SFMBT2: variants seen among roughly 807,000 people sequenced by gnomAD.
SFMBT2 encodes the protein scm-like with four MBT domains protein 2.
SFMBT2 carries 38 observed loss-of-function variants against 110.1 expected under a neutral mutation model. The ratio of observed to expected loss-of-function variants is 0.35; its 90% confidence interval spans 0.27 to 0.45. The LOEUF (loss-of-function observed/expected upper bound fraction) is 0.45. SFMBT2 is among the 20% of genes least tolerant of loss of function. The pLI, the probability that SFMBT2 is intolerant of heterozygous loss-of-function variation, is 1.00. For synonymous variants in SFMBT2, 425 were observed against 425.4 expected, an observed-to-expected ratio of 1.00 and a Z score of 0.01; for missense variants, 1,011 against 1,094.9, an observed-to-expected ratio of 0.92 and a Z score of 1.08.
chr10:7,197,846 A>G (rs1355843638), intron 14 of SFMBT2, among the ~76,000 whole-genome samples, 159 bp from the exon 15 acceptor site: 1 of 152,180 alleles, frequency 6.6e-6, no homozygotes, highest in Non-Finnish European at 1.5e-5. Flanking sequence ...AAGCAATGGA[A>G]CCCAAAATGA....
At chr10:7,259,299 T>C (rs1424500069) in intron 7 of SFMBT2, among the ~76,000 whole-genome samples, 3 of 152,200 alleles carry the variant, frequency 2.0e-5, no homozygotes, top group Non-Finnish European at 4.4e-5. Context: ...GCCTCCCCAC[T>C]GGAAAGTGCC....
chr10:7,339,788 C>A (rs1042721790), intron 4 of SFMBT2, among the ~76,000 whole-genome samples: 1 of 152,212 alleles, frequency 6.6e-6, no homozygotes, highest in Admixed American at 6.5e-5. Flanking sequence ...TAACCCACTT[C>A]ATGACTGTCA....
chr10:7,184,370 T>C (rs1195392599), intron 16 of SFMBT2, among the ~76,000 whole-genome samples: 1 of 152,138 alleles, frequency 6.6e-6, no homozygotes, highest in African/African-American at 2.4e-5. Context: ...GGGAAACCCC[T>C]TTTGCTTGAT....
At chr10:7,377,391 A>T (rs868727440) in intron 2 of SFMBT2, among the ~76,000 whole-genome samples, 1 of 152,290 alleles carries the variant, frequency 6.6e-6, no homozygotes, top group South Asian at 2.1e-4. Context: ...TTTTCCACAG[A>T]TACAGGGGAT....
intron 16 of SFMBT2, among the ~76,000 whole-genome samples, chr10:7,187,609 T>C (rs1434187608): frequency 6.6e-6 from 1 of 152,212 alleles, no homozygotes; most frequent in Non-Finnish European, 1.5e-5. Context: ...TGTTCAAAAA[T>C]GACACCAGGA....
At chr10:7,248,730 A>G in intron 7 of SFMBT2, 81 bp from the exon 8 acceptor site, 1 of 1,280,704 alleles carries the variant, frequency 7.8e-7, no homozygotes, top group Non-Finnish European at 1.1e-6. Flanking sequence ...CTCCTGGAGC[A>G]TTTTATTGGG....
chr10:7,168,025 G>A (rs1236305104), intron 20 of SFMBT2, among the ~76,000 whole-genome samples: 4 of 151,144 alleles, frequency 2.6e-5, no homozygotes, highest in African/African-American at 9.7e-5. Context: ...CCGAGATCGC[G>A]CCATTGCACT....
rs748890501 is a variant in SFMBT2, at chr10:7,171,862, G to A, written c.2415+33C>T. ...ACAGGTGTGCTTCTTCAGACCCAGCGGGAAGCCCTCTGTCCCCACGCCCGG... is the reference window on the plus strand; with the variant it reads ...ACAGGTGTGCTTCTTCAGACCCAGCAGGAAGCCCTCTGTCCCCACGCCCGG... On this transcript the variant is annotated intron_variant, in intron 19 of 20. Transcript: ENST00000397167. This position sits in a 1 kb window ranked among gnomAD's most constrained non-coding sequence, Gnocchi z 4.9. 1.7e-5 allele frequency: 24 copies of A among 1,389,330 alleles called. No individual in the cohort carries two copies. Among genetic ancestry groups the A allele is most frequent in the Middle Eastern group, 2.6e-4 (1 of 3,810 alleles). The allele number at this position is 1,389,330 out of a possible 1,614,324, so 86.1% of individuals were successfully genotyped here.
At chr10:7,289,969 G>A (rs549284021) in intron 4 of SFMBT2, among the ~76,000 whole-genome samples, 7 of 152,232 alleles carry the variant, frequency 4.6e-5, no homozygotes, top group African/African-American at 9.6e-5. Flanking sequence ...TCTGCAGCAC[G>A]TCTCTCTTCC....
At chr10:7,264,060 A>G in intron 7 of SFMBT2, 2 of 244,252 alleles carry the variant, frequency 8.2e-6, no homozygotes, top group Non-Finnish European at 6.6e-6. Flanking sequence ...GAGCAGCATG[A>G]ACACTCTTAG....
At chr10:7,275,971 T>C (rs1421259758) in intron 7 of SFMBT2, among the ~76,000 whole-genome samples, 2 of 152,228 alleles carry the variant, frequency 1.3e-5, no homozygotes, top group African/African-American at 4.8e-5. Flanking sequence ...CACAACCACA[T>C]TGAGAACTGT....
At chr10:7,219,064 T>C (rs1839637087) in intron 11 of SFMBT2, among the ~76,000 whole-genome samples, 1 of 152,230 alleles carries the variant, frequency 6.6e-6, no homozygotes, top group South Asian at 2.1e-4. Context: ...AAATTAATAA[T>C]GCAAACAAGA....
At chr10:7,342,656 C>G (rs918859392) in intron 4 of SFMBT2, among the ~76,000 whole-genome samples, 1 of 152,100 alleles carries the variant, frequency 6.6e-6, no homozygotes, top group Non-Finnish European at 1.5e-5. Context: ...CTCTGCCTCC[C>G]AAAGTGCTGG....
rs946339974 is a variant in SFMBT2 at position 7,325,717 on chromosome 10, C to T, written c.437-39763G>A. Reference sequence around the variant, plus strand: ...GCGGTCAAATCTTTTATCTACTTAACAATAAATAAGTGGGGATCTGACAGA... The same window carrying T: ...GCGGTCAAATCTTTTATCTACTTAATAATAAATAAGTGGGGATCTGACAGA... On this transcript the variant is annotated intron_variant, in intron 4 of 20. Coordinates refer to ENST00000397167, the MANE Select transcript of SFMBT2 (RefSeq NM_001387889.1). 4.5e-4 allele frequency among the ~76,000 whole-genome samples: 68 copies of T among 152,156 alleles called. 2 individuals carry two copies. The highest frequency in any genetic ancestry group is 4.4e-3 in the Admixed American group (68 of 15,282).
Position 7,408,567 on chromosome 10 carries a change from G to C in SFMBT2, c.-52+2294C>G, listed in dbSNP as rs1846285321. Among the ~76,000 whole-genome samples, 2 of 152,066 alleles carry C rather than the reference G, an allele frequency of 1.3e-5. No individual in the cohort carries two copies. Among genetic ancestry groups the C allele is most frequent in the Admixed American group, 1.3e-4 (2 of 15,286 alleles). ...GAGGTCCTCCCACCTGCCCCCGCCAGCCCCGGGGACCGTGCGCGGCCTCCG... is the reference window on the plus strand; with the variant it reads ...GAGGTCCTCCCACCTGCCCCCGCCACCCCCGGGGACCGTGCGCGGCCTCCG... On this transcript the variant is annotated intron_variant, in intron 1 of 20. Transcript: ENST00000397167. This position sits in a 1 kb window ranked among gnomAD's most constrained non-coding sequence, Gnocchi z 5.7.
At chr10:7,386,177 G>C (rs1409804372) in intron 1 of SFMBT2, among the ~76,000 whole-genome samples, 6 of 152,166 alleles carry the variant, frequency 3.9e-5, no homozygotes, top group African/African-American at 1.4e-4. Flanking sequence ...CCTGTGCTGA[G>C]TGTATGTGTG....
At chr10:7,269,343 A>G (rs1841498038) in intron 7 of SFMBT2, among the ~76,000 whole-genome samples, 1 of 152,214 alleles carries the variant, frequency 6.6e-6, no homozygotes, top group South Asian at 2.1e-4. Flanking sequence ...CAGGAGCTCA[A>G]TCACATTGCA....
At chr10:7,331,753 C>T (rs1347512624) in intron 4 of SFMBT2, among the ~76,000 whole-genome samples, 1 of 152,112 alleles carries the variant, frequency 6.6e-6, no homozygotes, top group Non-Finnish European at 1.5e-5. Context: ...CCTGTAATCC[C>T]AGCACTTTGG....
At chr10:7,283,471 T>A (rs1243534041) in intron 6 of SFMBT2, among the ~76,000 whole-genome samples, 1 of 152,132 alleles carries the variant, frequency 6.6e-6, no homozygotes. Flanking sequence ...AATGGATGGA[T>A]GAATAGATAA....
Sources: gnomAD v4.1 joint callset for allele counts (sites outside exome capture counted in the v4.1 genomes callset) on GRCh38, gnomAD v4.1.1 for gene constraint, Gnocchi (gnomAD v3.1) non-coding constraint, MANE v1.5 for transcripts, NCBI Gene and HGNC (gene_info 2026-07-23, HGNC 2026-07-21) for gene names.